The following BTBD9 variants were observed in gnomAD, a reference collection of about 807,000 sequenced individuals.
The protein encoded by BTBD9 is BTB/POZ domain-containing protein 9.
A neutral mutation model predicts 64.3 loss-of-function variants in BTBD9; 49 were observed. The observed-to-expected ratio is 0.76, with a 90% CI of 0.61 to 0.97. BTBD9 has a LOEUF of 0.97. Ranked by LOEUF, BTBD9 falls within the 50% of genes least tolerant of loss-of-function variation. The pLI is 0.00. For synonymous variants in BTBD9, 260 were observed against 274.7 expected, an observed-to-expected ratio of 0.95 and a Z score of 0.53; for missense variants, 598 against 762.1, an observed-to-expected ratio of 0.78 and a Z score of 2.53.
intron 6 of BTBD9, among the ~76,000 whole-genome samples, chr6:38,498,786 C>G (rs9349088): frequency 0.25 from 37,700 of 152,114 alleles, 5,727 homozygotes; most frequent in East Asian, 0.52. Flanking sequence ...TTGGTAACCC[C>G]CCACGCCCCA....
At chr6:38,302,915 C>T (rs1253313203) in intron 7 of BTBD9, among the ~76,000 whole-genome samples, 1 of 151,976 alleles carries the variant, frequency 6.6e-6, no homozygotes, top group Non-Finnish European at 1.5e-5. Flanking sequence ...TATTTTTTCA[C>T]ATACCCATTG....
intron 7 of BTBD9, among the ~76,000 whole-genome samples, chr6:38,294,731 C>T (rs945532155): frequency 6.6e-6 from 1 of 151,914 alleles, no homozygotes; most frequent in African/African-American, 2.4e-5. Flanking sequence ...CAGCAAACCA[C>T]CATGGCATGT....
chr6:38,463,471 G>C (rs1770199017), intron 6 of BTBD9, among the ~76,000 whole-genome samples: 1 of 152,246 alleles, frequency 6.6e-6, no homozygotes, highest in African/African-American at 2.4e-5. Flanking sequence ...TAGGAGGAGA[G>C]AGTATGTAAC....
intron 7 of BTBD9, among the ~76,000 whole-genome samples, chr6:38,336,876 A>G (rs1763914685): frequency 6.6e-6 from 1 of 152,072 alleles, no homozygotes; most frequent in Non-Finnish European, 1.5e-5. Flanking sequence ...CAGAAACTAC[A>G]CCCATGTGTC....
At chr6:38,541,156 A>G (rs1435516410) in intron 6 of BTBD9, among the ~76,000 whole-genome samples, 1 of 152,222 alleles carries the variant, frequency 6.6e-6, no homozygotes, top group Non-Finnish European at 1.5e-5. Flanking sequence ...ATTCATATTT[A>G]TTCTAATTTT....
chr6:38,381,126 C>A lies in BTBD9; in HGVS notation c.1155-36033G>T, dbSNP rs188754293. Among the ~76,000 whole-genome samples, 417 of 151,890 alleles carry A rather than the reference C, an allele frequency of 2.7e-3. 2 individuals are homozygous for A. Among genetic ancestry groups the A allele is most frequent in the African/African-American group, 8.7e-3 (362 of 41,444 alleles). On this transcript the variant is annotated intron_variant, in intron 6 of 10. Coordinates refer to ENST00000481247, the MANE Select transcript of BTBD9 (RefSeq NM_001099272.2). ...AAAAAATGATAGGGGAGAAATAGAT[C>A]AAATGTATTAGGAAACATAATTAAT...
At chr6:38,477,739 C>T (rs1256900060) in intron 6 of BTBD9, among the ~76,000 whole-genome samples, 6 of 152,298 alleles carry the variant, frequency 3.9e-5, no homozygotes, top group South Asian at 4.1e-4. Flanking sequence ...GAAAGCAATA[C>T]GAACTGGGGG....
At chr6:38,499,870 C>T (rs544946663) in intron 6 of BTBD9, among the ~76,000 whole-genome samples, 1 of 152,294 alleles carries the variant, frequency 6.6e-6, no homozygotes, top group South Asian at 2.1e-4. Context: ...AGGTATGTTA[C>T]ATATGAACTG....
chr6:38,311,734 T>C (rs869177200), intron 7 of BTBD9, among the ~76,000 whole-genome samples: 3 of 152,234 alleles, frequency 2.0e-5, no homozygotes, highest in African/African-American at 4.8e-5. Context: ...CACATCTTTG[T>C]CAACATTTGT....
At chr6:38,564,780 T>C (rs978747220) in intron 6 of BTBD9, among the ~76,000 whole-genome samples, 8 of 152,010 alleles carry the variant, frequency 5.3e-5, no homozygotes, top group African/African-American at 1.9e-4. Flanking sequence ...TAATCCCAGC[T>C]ACTCGGGAGG....
At chr6:38,635,576 C>CT (rs1778500937) in intron 1 of BTBD9, among the ~76,000 whole-genome samples, 2 of 152,180 alleles carry the variant, frequency 1.3e-5, no homozygotes. Context: ...CATGAAGACT[C>CT]TTTTCTCATG....
intron 6 of BTBD9, among the ~76,000 whole-genome samples, chr6:38,382,054 C>T (rs987065236): frequency 2.0e-5 from 3 of 152,054 alleles, no homozygotes; most frequent in Non-Finnish European, 4.4e-5. Flanking sequence ...AAAAACTGTC[C>T]GAATCAACTT....
intron 7 of BTBD9, among the ~76,000 whole-genome samples, chr6:38,327,148 C>T (rs73422854): frequency 0.023 from 3,506 of 152,112 alleles, 129 homozygotes; most frequent in African/African-American, 0.08. Context: ...AAGTATATTT[C>T]CCTCTTGTAG....
intron 6 of BTBD9, among the ~76,000 whole-genome samples, chr6:38,422,988 G>A (rs1390194219): frequency 1.3e-5 from 2 of 152,106 alleles, no homozygotes; most frequent in African/African-American, 4.8e-5. Context: ...AAATAGATTA[G>A]ATGTGATGGC....
At chr6:38,347,358 T>C (rs1764320870) in intron 6 of BTBD9, among the ~76,000 whole-genome samples, 1 of 152,202 alleles carries the variant, frequency 6.6e-6, no homozygotes, top group Admixed American at 6.5e-5. Flanking sequence ...TAATGTTATC[T>C]CTGCTGCATA....
chr6:38,301,178 G>T (rs1292267139), intron 7 of BTBD9, among the ~76,000 whole-genome samples: 4 of 152,186 alleles, frequency 2.6e-5, no homozygotes, highest in Non-Finnish European at 4.4e-5. Context: ...ATTTTCGTAT[G>T]TTGAACCAGC....
At chr6:38,425,032 T>C (rs1249715999) in intron 6 of BTBD9, among the ~76,000 whole-genome samples, 1 of 151,350 alleles carries the variant, frequency 6.6e-6, no homozygotes, top group Non-Finnish European at 1.5e-5. Flanking sequence ...GGCTTCACTA[T>C]GTTGAACAGG....
At position 38,254,478 on chromosome 6, in the gene BTBD9, A is replaced by AC. The variant is rs569379534; in HGVS notation, c.1562+1930_1562+1931insG. ...AACAAACAAACAAACAAACAAACAA[A>AC]AAAAAACAATTAGCTGGGCACAGTG... is the stretch of plus-strand genomic sequence containing the variant. On this transcript the variant is annotated intron_variant, in intron 9 of 10. Coordinates refer to ENST00000481247, the MANE Select transcript of BTBD9 (RefSeq NM_001099272.2). Among the ~76,000 whole-genome samples, 98 of 152,096 alleles carry AC rather than the reference A, an allele frequency of 6.4e-4. 1 individual carries two copies. The highest frequency in any genetic ancestry group is 2.0e-3 in the African/African-American group (84 of 41,428).
chr6:38,494,178 T>C (rs1771834401), intron 6 of BTBD9, among the ~76,000 whole-genome samples: 3 of 152,234 alleles, frequency 2.0e-5, no homozygotes, highest in Admixed American at 2.0e-4. Context: ...AAGGACAAAG[T>C]TCAGTAGCAA....
Sources: gnomAD v4.1 joint callset for allele counts (sites outside exome capture counted in the v4.1 genomes callset) on GRCh38, gnomAD v4.1.1 for gene constraint, MANE v1.5 for transcripts, NCBI Gene and HGNC (gene_info 2026-07-23, HGNC 2026-07-21) for gene names.